The following ACTR3C variants were observed in gnomAD, a reference collection of about 807,000 sequenced individuals.
ACTR3C encodes the protein actin-related protein 3C.
Under a neutral mutation model 26.3 loss-of-function variants are expected in ACTR3C, and 18 were observed. That is an observed-to-expected ratio of 0.68 (90% confidence interval 0.47 to 1.01). The LOEUF is 1.01. Among genes scored for constraint, ACTR3C ranks in the 50% least tolerant of loss-of-function variants. ACTR3C has a pLI of 0.00. For missense variants in ACTR3C, 184 were observed against 250.7 expected, an observed-to-expected ratio of 0.73 and a Z score of 1.80; for synonymous variants, 55 against 94.5, an observed-to-expected ratio of 0.58 and a Z score of 2.42.
At chr7:150,037,970 AG>A in the ACTR3C span, among the ~76,000 whole-genome samples, 2 of 138,086 alleles carry the variant, frequency 1.4e-5, no homozygotes, top group African/African-American at 5.5e-5. Context: ...AGGGGAGGAA[AG>A]GGGGAGGTTC....
chr7:150,159,272 C>G, the ACTR3C span, among the ~76,000 whole-genome samples: 86 of 152,092 alleles, frequency 5.7e-4, no homozygotes, highest in African/African-American at 2.0e-3. Context: ...AACACTTCTT[C>G]CCAGGATGGG....
chr7:150,066,637 G>C, the ACTR3C span, among the ~76,000 whole-genome samples: 9 of 152,144 alleles, frequency 5.9e-5, no homozygotes, highest in African/African-American at 2.2e-4. Flanking sequence ...ACTATTACTA[G>C]AATAGTGGCA....
intron 1 of ACTR3C, among the ~76,000 whole-genome samples, chr7:150,305,878 T>C (rs901361654): frequency 6.6e-5 from 10 of 152,176 alleles, no homozygotes; most frequent in African/African-American, 2.2e-4. Context: ...GTGGGGTCCA[T>C]CATTTGGGCC....
chr7:150,108,432 G>A, the ACTR3C span, among the ~76,000 whole-genome samples: 88 of 152,038 alleles, frequency 5.8e-4, 1 homozygote, highest in Middle Eastern at 3.4e-3. Context: ...GGATTTAAAA[G>A]ACAATTGCAA....
the ACTR3C span, among the ~76,000 whole-genome samples, chr7:149,946,246 C>G: frequency 6.6e-6 from 1 of 152,228 alleles, no homozygotes; most frequent in African/African-American, 2.4e-5. Flanking sequence ...CAGGTGCTTA[C>G]TGGAAGCCAT....
the ACTR3C span, among the ~76,000 whole-genome samples, chr7:150,136,097 T>A: frequency 6.6e-6 from 1 of 152,084 alleles, no homozygotes; most frequent in African/African-American, 2.4e-5. Context: ...TGAGCAGCTG[T>A]CATGCCCCTA....
intron 6 of ACTR3C, among the ~76,000 whole-genome samples, chr7:150,281,665 G>T (rs574738711): frequency 1.7e-4 from 26 of 152,120 alleles, no homozygotes; most frequent in African/African-American, 6.3e-4. Context: ...ACTAGCAAAG[G>T]CCACGCCTCA....
chr7:150,223,115 C>A, the ACTR3C span, among the ~76,000 whole-genome samples: 1 of 152,202 alleles, frequency 6.6e-6, no homozygotes. Context: ...CCATAATCAA[C>A]AACTGTTTGG....
chr7:150,073,441 G>A, the ACTR3C span, among the ~76,000 whole-genome samples: 2 of 150,128 alleles, frequency 1.3e-5, no homozygotes, highest in Non-Finnish European at 3.0e-5. Flanking sequence ...TCTATTTCCT[G>A]GTGGGAAGTG....
At chr7:149,965,164 G>A in the ACTR3C span, among the ~76,000 whole-genome samples, 4 of 148,712 alleles carry the variant, frequency 2.7e-5, no homozygotes, top group East Asian at 2.0e-4. Flanking sequence ...TTCTCCTTGA[G>A]CACCTCTATT....
At chr7:150,280,629 T>C (rs908710984) in intron 6 of ACTR3C, among the ~76,000 whole-genome samples, 1 of 152,132 alleles carries the variant, frequency 6.6e-6, no homozygotes, top group Non-Finnish European at 1.5e-5. Context: ...AGTGGAAATC[T>C]GCTGAGAGAG....
At chr7:150,251,940 A>G (rs1832880711) in intron 6 of ACTR3C, among the ~76,000 whole-genome samples, 1 of 152,224 alleles carries the variant, frequency 6.6e-6, no homozygotes, top group Non-Finnish European at 1.5e-5. Flanking sequence ...ATAGGCTCTA[A>G]GAAACCTAAC....
chr7:150,309,562 C>T (rs1796112764), intron 1 of ACTR3C, among the ~76,000 whole-genome samples: 1 of 152,240 alleles, frequency 6.6e-6, no homozygotes, highest in South Asian at 2.1e-4. Context: ...CACACAAAAA[C>T]TTCAGAACAA....
chr7:150,203,041 G>C, the ACTR3C span, among the ~76,000 whole-genome samples: 1 of 152,218 alleles, frequency 6.6e-6, no homozygotes, highest in Non-Finnish European at 1.5e-5. Flanking sequence ...AAATTATTTA[G>C]TACGTTACAT....
chr7:150,183,740 T>C, the ACTR3C span, among the ~76,000 whole-genome samples: 2 of 141,976 alleles, frequency 1.4e-5, no homozygotes, highest in Non-Finnish European at 3.0e-5. Context: ...CAGAAACACC[T>C]GAATGTACCT....
At chr7:149,902,129 C>T in the ACTR3C span, among the ~76,000 whole-genome samples, 4 of 152,002 alleles carry the variant, frequency 2.6e-5, no homozygotes, top group African/African-American at 9.7e-5. Context: ...TACTTTAGAA[C>T]ATTTGCTACA....
chr7:150,032,385 TC>T, the ACTR3C span, among the ~76,000 whole-genome samples: 4 of 152,154 alleles, frequency 2.6e-5, no homozygotes, highest in Non-Finnish European at 5.9e-5. Context: ...GGAGATTCCC[TC>T]CCTGGCCAGT....
At chr7:150,123,176 A>G in the ACTR3C span, among the ~76,000 whole-genome samples, 1 of 152,066 alleles carries the variant, frequency 6.6e-6, no homozygotes, top group Non-Finnish European at 1.5e-5. Flanking sequence ...TGGCACATGT[A>G]TACCTACATA....
the ACTR3C span, among the ~76,000 whole-genome samples, chr7:150,012,315 A>ATATTTTTTTT: frequency 1.1e-5 from 1 of 91,996 alleles, no homozygotes; most frequent in Non-Finnish European, 2.2e-5. Context: ...TTATAAATGC[A>ATATTTTTTTT]TCTTTTTTTT....
Sources: allele counts gnomAD v4.1 joint callset (sites outside exome capture counted in the v4.1 genomes callset), GRCh38; gene constraint gnomAD v4.1.1; transcripts MANE v1.5; gene names NCBI Gene and HGNC (gene_info 2026-07-23, HGNC 2026-07-21).